AKT1: variants seen among roughly 807,000 people sequenced by gnomAD.
AKT1 encodes the protein AKT serine/threonine kinase 1.
Under a neutral mutation model 63.1 loss-of-function variants are expected in AKT1, and 21 were observed. That is an observed-to-expected ratio of 0.33 (90% CI 0.24 to 0.48). The LOEUF is 0.48. Among genes scored for constraint, AKT1 ranks in the 20% least tolerant of loss-of-function variants. The probability of loss-of-function intolerance (pLI) is 0.99; values close to 1 mark genes in which losing one functional copy is unlikely to be tolerated. For synonymous variants in AKT1, 257 were observed against 253.1 expected (o/e 1.02, Z -0.15); for missense variants, 382 against 666.0 (o/e 0.57, Z 4.69).
rs958443676 is a variant in AKT1 at position 104,773,808 on chromosome 14, AC to A, written c.702+103del. 9 of 1,302,452 alleles carry A rather than the reference AC, an allele frequency of 6.9e-6. No homozygotes were observed. The Admixed American group carries it at 1.9e-4, about 27-fold the overall frequency. 80.7% of individuals were successfully genotyped at this position (1,302,452 alleles called of 1,614,324 possible). ...TCACACCACCCACCCAGCAGGGAGC[AC>A]CGTCTGGTGCCATGGAGAGTAGCCG... On this transcript the variant is annotated intron_variant, in intron 9 of 14. Coordinates refer to ENST00000649815, the MANE Select transcript of AKT1 (RefSeq NM_001382430.1).
chr14:104,785,686 C>T (rs777616913), intron 3 of AKT1, among the ~76,000 whole-genome samples: 2 of 152,186 alleles, frequency 1.3e-5, no homozygotes, highest in Non-Finnish European at 2.9e-5. Context: ...CAGGTCCTGC[C>T]GCCAAGGCAG....
intron 5 of AKT1, 66 bp from the exon 6 acceptor site, chr14:104,775,865 C>T: frequency 1.0e-5 from 16 of 1,549,744 alleles, no homozygotes; most frequent in Non-Finnish European, 1.4e-5. Context: ...CGTCTTTCAC[C>T]CACCCGCCAG....
chr14:104,792,562 C>G (rs776252691), intron 3 of AKT1, 36 bp downstream of exon 3: 2 of 1,611,136 alleles, frequency 1.2e-6, no homozygotes, highest in Non-Finnish European at 1.7e-6. Context: ...CCCCATCTCT[C>G]CCTCCCCAGG....
At chr14:104,781,103 G>C (rs1893011775) in intron 3 of AKT1, among the ~76,000 whole-genome samples, 1 of 152,256 alleles carries the variant, frequency 6.6e-6, no homozygotes, top group Non-Finnish European at 1.5e-5. Context: ...TGTCCTCGGT[G>C]ATAGCCCAGC....
At chr14:104,787,060 G>T (rs1210960827) in intron 3 of AKT1, among the ~76,000 whole-genome samples, 1 of 152,110 alleles carries the variant, frequency 6.6e-6, no homozygotes, top group Non-Finnish European at 1.5e-5. Context: ...GGCCCGCCTG[G>T]GGGGTGTGTG....
intron 3 of AKT1, among the ~76,000 whole-genome samples, chr14:104,787,555 G>A (rs1278191079): frequency 1.3e-5 from 2 of 152,256 alleles, no homozygotes; most frequent in Admixed American, 6.5e-5. Flanking sequence ...GCCAGCGGGG[G>A]CCGCGCCAGT....
intron 3 of AKT1, among the ~76,000 whole-genome samples, chr14:104,788,934 G>A (rs1052726992): frequency 2.0e-5 from 3 of 152,182 alleles, no homozygotes; most frequent in South Asian, 2.1e-4. Flanking sequence ...ATGGACACAC[G>A]GTCCCGTGTC....
intron 2 of AKT1, 30 bp downstream of exon 2, chr14:104,793,097 T>G: frequency 9.0e-6 from 2 of 222,782 alleles, no homozygotes; most frequent in Non-Finnish European, 1.8e-5. Context: ...ATCACCCCCA[T>G]CCCCAAAAGG....
At position 104,769,443 on chromosome 14, in the gene AKT1, C is replaced by A; in HGVS notation, c.*898G>T. On this transcript the variant is annotated 3_prime_UTR_variant, in exon 15 of 15. Coordinates refer to ENST00000649815, the MANE Select transcript of AKT1 (RefSeq NM_001382430.1). The stretch of plus-strand genomic sequence containing the variant: ...TAAAGTTGAATGTTGTAAAAAAACG[C>A]CGTGGTGCAGCGGCAGCGGCAGCGT... 1 of 412,440 alleles carries A rather than the reference C, an allele frequency of 2.4e-6. No individual in the cohort carries two copies. Among genetic ancestry groups the A allele is most frequent in the Non-Finnish European group, 4.6e-6 (1 of 216,944 alleles). The allele number at this position is 412,440 out of a possible 1,614,324, so 25.5% of individuals were successfully genotyped here.
At chr14:104,775,529 C>T (rs1190982800) in intron 6 of AKT1, 123 bp downstream of exon 6, 2 of 1,383,680 alleles carry the variant, frequency 1.4e-6, no homozygotes, top group Non-Finnish European at 1.9e-6. Context: ...GGAAAACCGG[C>T]CTAGGTGGAG....
chr14:104,780,753 A>G (rs905689256), intron 3 of AKT1, among the ~76,000 whole-genome samples: 6 of 142,688 alleles, frequency 4.2e-5, no homozygotes, highest in Non-Finnish European at 9.2e-5. Context: ...AGGATGGAGC[A>G]TGGCGTCCAC....
At chr14:104,777,564 C>CAT in intron 4 of AKT1, 11 of 1,012,262 alleles carry the variant, frequency 1.1e-5, no homozygotes, top group Non-Finnish European at 1.3e-5. Context: ...CTGGGGAACA[C>CAT]ATACCTGGGG....
At chr14:104,771,576 G>A in intron 13 of AKT1, 1 of 233,210 alleles carries the variant, frequency 4.3e-6, no homozygotes, top group East Asian at 6.1e-5. Flanking sequence ...CTCAAGGCAG[G>A]AACGGGGACC....
chr14:104,788,617 C>T (rs570370296), intron 3 of AKT1, among the ~76,000 whole-genome samples: 98 of 152,324 alleles, frequency 6.4e-4, no homozygotes, highest in African/African-American at 2.2e-3. Context: ...CTATGTCGCT[C>T]ACCAAAGCGA....
intron 3 of AKT1, among the ~76,000 whole-genome samples, chr14:104,787,595 T>A (rs943442086): frequency 6.6e-6 from 1 of 152,192 alleles, no homozygotes; most frequent in East Asian, 1.9e-4. Context: ...GCAGGACTTC[T>A]AGGAACCCGG....
chr14:104,775,143 A>G lies in AKT1; in HGVS notation c.500T>C (p.Val167Ala), dbSNP rs11555433. 1 of 1,613,882 alleles carries G rather than the reference A, an allele frequency of 6.2e-7. No individual in the cohort carries two copies. Among genetic ancestry groups the G allele is most frequent in the African/African-American group, 1.3e-5 (1 of 74,956 alleles). Residue 167 changes from valine (V) to alanine (A), a missense_variant, in exon 7 of 15, where the codon GTG becomes GCG. Physicochemically the swap from Val to Ala is moderately conservative, Grantham distance 64. Transcript: ENST00000649815. ...GKGTFGKVIL[V>A]KEKATGRYYA... ...GTAGCGGCCTGTGGCCTTCTCCTTC[A>G]CCAGGATCACCTTGCCGAAAGTGCC...
Position 104,770,220 on chromosome 14 carries a change from G to A in AKT1, c.*121C>T, listed in dbSNP as rs17846826. 3.5e-3 allele frequency: 3,901 copies of A among 1,128,128 alleles called. 49 individuals are homozygous for A. Among genetic ancestry groups the A allele is most frequent in the South Asian group, 0.025 (1,891 of 75,176 alleles). The allele number at this position is 1,128,128 out of a possible 1,614,324, so 69.9% of individuals were successfully genotyped here. A position where few individuals can be genotyped will look rare whatever the true frequency, so the allele number is the denominator to read the frequency against. Reference sequence around the variant, plus strand: ...CAAAAACGTCTTTCCATCTGGGCTCGAGAGGACAGCGTGGCTTCTCTCAAA... The same window carrying A: ...CAAAAACGTCTTTCCATCTGGGCTCAAGAGGACAGCGTGGCTTCTCTCAAA... On this transcript the variant is annotated 3_prime_UTR_variant, in exon 15 of 15. Transcript: ENST00000649815.
At chr14:104,787,011 C>T (rs1336833863) in intron 3 of AKT1, among the ~76,000 whole-genome samples, 1 of 151,958 alleles carries the variant, frequency 6.6e-6, no homozygotes, top group Non-Finnish European at 1.5e-5. Flanking sequence ...CAGGTGGGCC[C>T]GCCAGGTTAC....
chr14:104,792,767 A>G (rs1893694620), intron 2 of AKT1, 45 bp from the exon 3 acceptor site: 12 of 1,248,492 alleles, frequency 9.6e-6, no homozygotes, highest in Non-Finnish European at 1.2e-5. Context: ...CGCCTGGCTA[A>G]GGGCAGCTCC....
Sources: gnomAD v4.1 joint callset for allele counts (sites outside exome capture counted in the v4.1 genomes callset) on GRCh38, gnomAD v4.1.1 for gene constraint, MANE v1.5 for transcripts, NCBI Gene and HGNC (gene_info 2026-07-23, HGNC 2026-07-21) for gene names.